Variants in ARHGAP20 observed in about 807,000 individuals in gnomAD.
ARHGAP20 encodes the protein Rho GTPase activating protein 20.
In ARHGAP20, 34 loss-of-function variants were observed where a neutral mutation model predicts 73.7. That is an observed-to-expected ratio of 0.46 (90% confidence interval 0.35 to 0.61). The LOEUF (loss-of-function observed/expected upper bound fraction) is 0.61. Among genes scored for constraint, ARHGAP20 ranks in the 20% least tolerant of loss-of-function variants. ARHGAP20 has a pLI of 0.00. For synonymous variants in ARHGAP20, 523 were observed against 518.2 expected (o/e 1.01, Z -0.13); for missense variants, 1,314 against 1,420.9 (o/e 0.92, Z 1.21).
intron 1 of ARHGAP20, among the ~76,000 whole-genome samples, chr11:110,699,116 T>C (rs1049816589): frequency 6.6e-6 from 1 of 151,894 alleles, no homozygotes; most frequent in Non-Finnish European, 1.5e-5. Context: ...TGTTGCCTAT[T>C]TTCATTTGTT....
chr11:110,667,822 G>A (rs989139395), intron 2 of ARHGAP20, among the ~76,000 whole-genome samples: 1 of 152,130 alleles, frequency 6.6e-6, no homozygotes, highest in African/African-American at 2.4e-5. Context: ...ACTCCAGTGG[G>A]GGAAGTCACT....
At chr11:110,689,147 C>T (rs1374992723) in intron 2 of ARHGAP20, among the ~76,000 whole-genome samples, 2 of 151,812 alleles carry the variant, frequency 1.3e-5, no homozygotes, top group Non-Finnish European at 2.9e-5. Flanking sequence ...TACAGGCCCT[C>T]GCCACCACGC....
At chr11:110,690,438 G>T in intron 2 of ARHGAP20, 109 bp downstream of exon 2, 1 of 1,085,150 alleles carries the variant, frequency 9.2e-7, no homozygotes, top group Non-Finnish European at 1.4e-6. Context: ...TTCTGGTGCT[G>T]ATAACAAACA....
intron 2 of ARHGAP20, among the ~76,000 whole-genome samples, chr11:110,652,937 T>C (rs868587451): frequency 2.0e-5 from 3 of 152,202 alleles, no homozygotes; most frequent in African/African-American, 7.2e-5. Context: ...TCATCTGATC[T>C]TTGACAAACC....
At chr11:110,595,619 A>G (rs1477628916) in intron 9 of ARHGAP20, among the ~76,000 whole-genome samples, 1 of 152,240 alleles carries the variant, frequency 6.6e-6, no homozygotes, top group Non-Finnish European at 1.5e-5. Context: ...GAGAACTACA[A>G]ACCACTGCCC....
chr11:110,686,195 C>T (rs1950128424), intron 2 of ARHGAP20, among the ~76,000 whole-genome samples: 1 of 151,896 alleles, frequency 6.6e-6, no homozygotes, highest in South Asian at 2.1e-4. Flanking sequence ...TTCAAAAAAT[C>T]TGATTTATGT....
chr11:110,625,721 TA>T (rs1182735940), intron 3 of ARHGAP20, among the ~76,000 whole-genome samples: 1 of 152,170 alleles, frequency 6.6e-6, no homozygotes, highest in Non-Finnish European at 1.5e-5. Flanking sequence ...TCTCTTGACC[TA>T]ATTGTCAGGT....
chr11:110,671,662 T>A (rs539100562), intron 2 of ARHGAP20, among the ~76,000 whole-genome samples: 11 of 152,104 alleles, frequency 7.2e-5, no homozygotes, highest in East Asian at 5.8e-4. Context: ...AACAAAAAAA[T>A]CAACTGTATT....
chr11:110,674,621 G>T (rs1010536719), intron 2 of ARHGAP20, among the ~76,000 whole-genome samples: 7 of 151,914 alleles, frequency 4.6e-5, no homozygotes, highest in African/African-American at 1.5e-4. Flanking sequence ...AAATCCCCAA[G>T]ATTTCTCATT....
chr11:110,581,896 C>T (rs75970894), intron 14 of ARHGAP20, among the ~76,000 whole-genome samples: 9 of 136,520 alleles, frequency 6.6e-5, no homozygotes, highest in Admixed American at 4.1e-4. Context: ...AGAATTCTGA[C>T]GTGTCTGAGG....
At chr11:110,661,457 G>T (rs1949610332) in intron 2 of ARHGAP20, among the ~76,000 whole-genome samples, 1 of 151,822 alleles carries the variant, frequency 6.6e-6, no homozygotes, top group African/African-American at 2.4e-5. Context: ...TATTATCTGG[G>T]TACAAATGCC....
intron 2 of ARHGAP20, among the ~76,000 whole-genome samples, chr11:110,650,279 T>A (rs1949320799): frequency 6.6e-6 from 1 of 152,196 alleles, no homozygotes; most frequent in South Asian, 2.1e-4. Flanking sequence ...CTGTGCCTAG[T>A]ACAGAGGATT....
chr11:110,624,343 G>A lies in ARHGAP20; in HGVS notation c.354-32C>T, dbSNP rs1004398862. 8 of 1,479,980 alleles carry A rather than the reference G, an allele frequency of 5.4e-6. No individual in the cohort carries two copies. The African/African-American group carries it at 1.0e-4, about 19-fold the overall frequency. 91.7% of individuals were successfully genotyped at this position (1,479,980 alleles called of 1,614,324 possible). ...AGATAAAAACCAAACAGAACCTTTT[G>A]TTATTTTGTTTCTTAAATTTTATGG... On this transcript the variant is annotated intron_variant, in intron 3 of 14. Transcript: ENST00000683387.
chr11:110,610,091 G>T (rs1439758895), intron 7 of ARHGAP20, among the ~76,000 whole-genome samples: 1 of 152,082 alleles, frequency 6.6e-6, no homozygotes, highest in African/African-American at 2.4e-5. Flanking sequence ...AATCATGTCA[G>T]TAATTCCTCT....
At chr11:110,711,005 C>CAAA (rs11461759) in intron 1 of ARHGAP20, among the ~76,000 whole-genome samples, 4,240 of 82,456 alleles carry the variant, frequency 0.051, 332 homozygotes, top group African/African-American at 0.16. Context: ...TAAGACAAGG[C>CAAA]AAAAAAAAAA....
intron 3 of ARHGAP20, among the ~76,000 whole-genome samples, chr11:110,625,866 G>A (rs1948732455): frequency 6.6e-6 from 1 of 152,118 alleles, no homozygotes; most frequent in Non-Finnish European, 1.5e-5. Context: ...GAAATTAAAG[G>A]TACCTTATAT....
chr11:110,577,525 C>T lies in ARHGAP20; in HGVS notation c.*1845G>A. The T allele has an allele frequency of 1.0e-6, 1 of 996,856 alleles. No individual in the cohort carries two copies. Among genetic ancestry groups the T allele is most frequent in the Non-Finnish European group, 1.2e-6 (1 of 838,066 alleles). 61.8% of individuals were successfully genotyped at this position (996,856 alleles called of 1,614,324 possible). A position where few individuals can be genotyped will look rare whatever the true frequency, so the allele number is the denominator to read the frequency against. On this transcript the variant is annotated 3_prime_UTR_variant, in exon 15 of 15. Coordinates refer to ENST00000683387, the MANE Select transcript of ARHGAP20 (RefSeq NM_001384657.1). Reference sequence around the variant, plus strand: ...GAAAGACACTCCAAGCCGTTAAGAGCTTCATTCACATCTTGCAGTTCTGAC... The same window carrying T: ...GAAAGACACTCCAAGCCGTTAAGAGTTTCATTCACATCTTGCAGTTCTGAC...
chr11:110,637,859 A>C (rs1040739764), intron 2 of ARHGAP20, among the ~76,000 whole-genome samples: 2 of 152,102 alleles, frequency 1.3e-5, no homozygotes, highest in African/African-American at 4.8e-5. Context: ...TGAAGGCTGA[A>C]GGGCACTTTA....
At chr11:110,582,535 C>A in intron 13 of ARHGAP20, 100 bp from the exon 14 acceptor site, 1 of 710,470 alleles carries the variant, frequency 1.4e-6, no homozygotes, top group Non-Finnish European at 2.4e-6. Context: ...ACCACATCTA[C>A]CCAGAGAAAA....
Sources: allele counts gnomAD v4.1 joint callset (sites outside exome capture counted in the v4.1 genomes callset), GRCh38; gene constraint gnomAD v4.1.1; transcripts MANE v1.5; gene names NCBI Gene and HGNC (gene_info 2026-07-23, HGNC 2026-07-21).